ARHGAP28: variants seen among roughly 807,000 people sequenced by gnomAD.
ARHGAP28 encodes rho GTPase-activating protein 28.
A neutral mutation model predicts 90.7 loss-of-function variants in ARHGAP28; 56 were observed. That is an observed-to-expected ratio of 0.62 (90% CI 0.50 to 0.77). The LOEUF (loss-of-function observed/expected upper bound fraction) is 0.77, where lower values mean the gene tolerates loss of function less well. Ranked by LOEUF, ARHGAP28 falls within the 30% of genes least tolerant of loss-of-function variation. ARHGAP28 has a pLI of 0.00. For synonymous variants in ARHGAP28, 308 were observed against 323.3 expected, an observed-to-expected ratio of 0.95 and a Z score of 0.51; for missense variants, 869 against 900.9, an observed-to-expected ratio of 0.96 and a Z score of 0.45.
chr18:6,834,794 T>C (rs998629629), intron 2 of ARHGAP28, among the ~76,000 whole-genome samples: 4 of 152,094 alleles, frequency 2.6e-5, no homozygotes, highest in African/African-American at 9.7e-5. Flanking sequence ...GGAGTTGATG[T>C]GTGAAAGAGA....
chr18:6,851,552 A>G (rs766421231), intron 4 of ARHGAP28, among the ~76,000 whole-genome samples: 11 of 152,170 alleles, frequency 7.2e-5, no homozygotes, highest in Non-Finnish European at 1.6e-4. Flanking sequence ...ATAAGACCCA[A>G]CCGTTCTACT....
intron 1 of ARHGAP28, among the ~76,000 whole-genome samples, chr18:6,809,423 A>G (rs1012517479): frequency 2.6e-5 from 4 of 152,202 alleles, no homozygotes; most frequent in Non-Finnish European, 4.4e-5. Context: ...ACATTGCTAT[A>G]AAGACATACC....
chr18:6,732,265 G>A (rs1325970523), intron 1 of ARHGAP28, among the ~76,000 whole-genome samples: 1 of 152,084 alleles, frequency 6.6e-6, no homozygotes, highest in African/African-American at 2.4e-5. Flanking sequence ...TTACAAAATA[G>A]CCAAGATAAA....
intron 1 of ARHGAP28, among the ~76,000 whole-genome samples, chr18:6,765,273 G>A (rs1013593635): frequency 5.9e-5 from 9 of 152,160 alleles, no homozygotes; most frequent in Admixed American, 5.9e-4. Flanking sequence ...TGGGCTTGGA[G>A]TTTTCTTTGT....
At chr18:6,822,061 C>T (rs1395005649) in intron 1 of ARHGAP28, among the ~76,000 whole-genome samples, 1 of 151,982 alleles carries the variant, frequency 6.6e-6, no homozygotes, top group Non-Finnish European at 1.5e-5. Context: ...AAAAAAGTGT[C>T]TGCATGTTTT....
At chr18:6,818,778 G>T (rs1439011909) in intron 1 of ARHGAP28, among the ~76,000 whole-genome samples, 1 of 152,232 alleles carries the variant, frequency 6.6e-6, no homozygotes, top group African/African-American at 2.4e-5. Context: ...AAAGAACTTG[G>T]CTTTTTAGAG....
intron 1 of ARHGAP28, chr18:6,730,236 T>TAC (rs1555621926): frequency 1.0e-5 from 2 of 197,874 alleles, no homozygotes; most frequent in Non-Finnish European, 9.9e-6. Flanking sequence ...TATATATATA[T>TAC]ACCTCATTTC....
intron 1 of ARHGAP28, among the ~76,000 whole-genome samples, chr18:6,766,566 G>A (rs958637607): frequency 2.2e-4 from 34 of 152,190 alleles, no homozygotes; most frequent in African/African-American, 7.9e-4. Context: ...CTGATACAGC[G>A]CCAATGCCAG....
At chr18:6,804,513 C>A (rs1338608366) in intron 1 of ARHGAP28, among the ~76,000 whole-genome samples, 1 of 152,016 alleles carries the variant, frequency 6.6e-6, no homozygotes, top group Non-Finnish European at 1.5e-5. Flanking sequence ...CTTTTAAGAT[C>A]AAAGCTGAAG....
intron 2 of ARHGAP28, among the ~76,000 whole-genome samples, chr18:6,830,465 C>T (rs2056706571): frequency 6.6e-6 from 1 of 152,100 alleles, no homozygotes; most frequent in Non-Finnish European, 1.5e-5. Context: ...GACTATCCCT[C>T]CCTTAGCCCC....
intron 12 of ARHGAP28, 117 bp from the exon 13 acceptor site, chr18:6,889,771 A>T: frequency 1.1e-6 from 1 of 945,892 alleles, no homozygotes; most frequent in Non-Finnish European, 1.6e-6. Flanking sequence ...ACGTTTAACC[A>T]TTCTATACTT....
chr18:6,824,492 G>C (rs9959312), intron 1 of ARHGAP28, among the ~76,000 whole-genome samples: 1 of 151,938 alleles, frequency 6.6e-6, no homozygotes, highest in African/African-American at 2.4e-5. Flanking sequence ...AGCCGAGATC[G>C]CGCCACCATA....
intron 1 of ARHGAP28, among the ~76,000 whole-genome samples, chr18:6,762,428 T>C (rs2056168854): frequency 6.6e-6 from 1 of 152,228 alleles, no homozygotes; most frequent in South Asian, 2.1e-4. Flanking sequence ...TTTCAGTCTA[T>C]ACTGCAAAAG....
chr18:6,899,937 C>T (rs1030658831), intron 16 of ARHGAP28, among the ~76,000 whole-genome samples: 3 of 152,108 alleles, frequency 2.0e-5, no homozygotes, highest in African/African-American at 7.2e-5. Context: ...TGACACTCTG[C>T]TTCCTCCCCT....
intron 2 of ARHGAP28, among the ~76,000 whole-genome samples, chr18:6,829,869 A>T (rs2056701667): frequency 6.6e-6 from 1 of 152,210 alleles, no homozygotes; most frequent in Admixed American, 6.5e-5. Flanking sequence ...AGTGGCTTAA[A>T]ACAGCAGGAC....
At chr18:6,899,849 A>C (rs13381491) in intron 16 of ARHGAP28, among the ~76,000 whole-genome samples, 9,725 of 152,110 alleles carry the variant, frequency 0.064, 421 homozygotes, top group South Asian at 0.1. Context: ...TGGTGCCCTT[A>C]CTAGTACCAG....
intron 3 of ARHGAP28, among the ~76,000 whole-genome samples, chr18:6,843,964 C>T (rs946310391): frequency 6.6e-6 from 1 of 152,134 alleles, no homozygotes; most frequent in Non-Finnish European, 1.5e-5. Flanking sequence ...GGATACATCA[C>T]GCATGGTTTA....
At chr18:6,797,572 G>A (rs534742415) in intron 1 of ARHGAP28, among the ~76,000 whole-genome samples, 54 of 152,122 alleles carry the variant, frequency 3.5e-4, no homozygotes, top group African/African-American at 1.3e-3. Context: ...TTTAGAACTG[G>A]CACTGCTTGG....
intron 9 of ARHGAP28, chr18:6,874,772 T>C (rs1253163432): frequency 6.6e-6 from 1 of 151,998 alleles, no homozygotes; most frequent in Non-Finnish European, 1.5e-5. Flanking sequence ...AAGCAACACC[T>C]TTGTACACAC....
Sources: allele counts gnomAD v4.1 joint callset (sites outside exome capture counted in the v4.1 genomes callset), GRCh38; gene constraint gnomAD v4.1.1; transcripts MANE v1.5; gene names NCBI Gene and HGNC (gene_info 2026-07-23, HGNC 2026-07-21).